FAM168A: variants seen among roughly 807,000 people sequenced by gnomAD.
The protein encoded by FAM168A is family with sequence similarity 168 member A.
FAM168A carries 3 observed loss-of-function variants against 28.5 expected under a neutral mutation model. The ratio of observed to expected loss-of-function variants is 0.11; its 90% CI spans 0.05 to 0.27. The LOEUF is 0.27. Among genes scored for constraint, FAM168A ranks in the 10% least tolerant of loss-of-function variants. The probability of loss-of-function intolerance (pLI) is 1.00; values close to 1 mark genes in which losing one functional copy is unlikely to be tolerated. For missense variants in FAM168A, 222 were observed against 311.5 expected, an observed-to-expected ratio of 0.71 and a Z score of 2.16; for synonymous variants, 122 against 124.2, an observed-to-expected ratio of 0.98 and a Z score of 0.12.
intron 1 of FAM168A, among the ~76,000 whole-genome samples, chr11:73,471,714 C>T (rs1042389358): frequency 6.6e-6 from 1 of 152,142 alleles, no homozygotes; most frequent in Non-Finnish European, 1.5e-5. Context: ...TTCCCAAATG[C>T]CATTTCTCTC....
chr11:73,564,099 G>A (rs956569608), intron 1 of FAM168A, among the ~76,000 whole-genome samples: 1 of 152,180 alleles, frequency 6.6e-6, no homozygotes, highest in South Asian at 2.1e-4. Flanking sequence ...CTTGGAGAAG[G>A]TCTTCTATAG....
chr11:73,437,738 C>T (rs1867117658), intron 2 of FAM168A, among the ~76,000 whole-genome samples: 1 of 150,792 alleles, frequency 6.6e-6, no homozygotes, highest in South Asian at 2.1e-4. Context: ...TGCAGTGAGT[C>T]GAGATCGCAC....
chr11:73,515,203 A>G (rs186421159), intron 1 of FAM168A, among the ~76,000 whole-genome samples: 7 of 152,294 alleles, frequency 4.6e-5, no homozygotes, highest in Non-Finnish European at 7.4e-5. Context: ...CAATTAACAC[A>G]TAAGTTCTTA....
intron 1 of FAM168A, among the ~76,000 whole-genome samples, chr11:73,553,087 T>C (rs906340592): frequency 3.3e-5 from 5 of 152,196 alleles, no homozygotes; most frequent in Non-Finnish European, 5.9e-5. Context: ...CAAGCCCATA[T>C]GATAAGAAAG....
intron 1 of FAM168A, among the ~76,000 whole-genome samples, chr11:73,552,188 C>T (rs1470922538): frequency 6.6e-6 from 1 of 152,200 alleles, no homozygotes; most frequent in Middle Eastern, 3.2e-3. Context: ...TCAATTCCAA[C>T]TCTACCTCTT....
At chr11:73,514,873 C>T (rs1180233063) in intron 1 of FAM168A, among the ~76,000 whole-genome samples, 1 of 151,652 alleles carries the variant, frequency 6.6e-6, no homozygotes, top group Non-Finnish European at 1.5e-5. Context: ...ATCCATCCAT[C>T]CATCCATCAC....
At chr11:73,557,152 T>G (rs1194868696) in intron 1 of FAM168A, among the ~76,000 whole-genome samples, 2 of 152,210 alleles carry the variant, frequency 1.3e-5, no homozygotes, top group Non-Finnish European at 2.9e-5. Context: ...AATGGAGTAT[T>G]ATTCAGACTT....
At chr11:73,527,617 A>T (rs1943464353) in intron 1 of FAM168A, among the ~76,000 whole-genome samples, 1 of 152,154 alleles carries the variant, frequency 6.6e-6, no homozygotes, top group Admixed American at 6.6e-5. Context: ...TATTGTCATT[A>T]TTATCATTAT....
chr11:73,416,221 T>G (rs547016099), intron 4 of FAM168A, among the ~76,000 whole-genome samples: 5 of 152,232 alleles, frequency 3.3e-5, no homozygotes, highest in African/African-American at 4.8e-5. Flanking sequence ...AATTTTAGAA[T>G]CAAATGGGAT....
intron 1 of FAM168A, among the ~76,000 whole-genome samples, chr11:73,469,357 T>A (rs754192044): frequency 1.1e-4 from 16 of 152,200 alleles, no homozygotes; most frequent in Non-Finnish European, 2.2e-4. Context: ...TTACACATCA[T>A]AAAAATCAAA....
chr11:73,437,985 C>T (rs948231511), intron 2 of FAM168A, among the ~76,000 whole-genome samples: 1 of 152,112 alleles, frequency 6.6e-6, no homozygotes, highest in African/African-American at 2.4e-5. Flanking sequence ...CTTCTTGCCT[C>T]GTTGATTCCT....
At chr11:73,457,619 T>C (rs1257502934) in intron 2 of FAM168A, among the ~76,000 whole-genome samples, 1 of 148,110 alleles carries the variant, frequency 6.8e-6, no homozygotes, top group Admixed American at 6.9e-5. Flanking sequence ...CTCATGCCTG[T>C]AATCTCAGCA....
At chr11:73,581,741 T>TG (rs1219731431) in intron 1 of FAM168A, among the ~76,000 whole-genome samples, 1 of 151,978 alleles carries the variant, frequency 6.6e-6, no homozygotes, top group African/African-American at 2.4e-5. Flanking sequence ...TTTTTTGAGA[T>TG]GGAGTCTCCC....
At chr11:73,508,082 T>C (rs751147719) in intron 1 of FAM168A, among the ~76,000 whole-genome samples, 7 of 152,228 alleles carry the variant, frequency 4.6e-5, no homozygotes, top group Non-Finnish European at 8.8e-5. Context: ...GCGTCATCTC[T>C]CTTAAGTGGT....
At position 73,510,654 on chromosome 11, in the gene FAM168A, G is replaced by A. The variant is rs72973610; in HGVS notation, c.-18-42162C>T. The A allele has an allele frequency of 2.1e-3, 636 of 306,642 alleles. 1 individual carries two copies. The highest frequency in any genetic ancestry group is 6.7e-3 in the Middle Eastern group (7 of 1,052). The allele number at this position is 306,642 out of a possible 1,614,324, so 19.0% of individuals were successfully genotyped here. On this transcript the variant is annotated intron_variant, in intron 1 of 7. Transcript: ENST00000356467. Reference sequence around the variant, plus strand: ...GCCCGTTCATGAGGTAAGCCAAAAGGGGGTACATCCTACCAGGATTCGGAA... The same window carrying A: ...GCCCGTTCATGAGGTAAGCCAAAAGAGGGTACATCCTACCAGGATTCGGAA...
chr11:73,569,861 C>A (rs7119049), intron 1 of FAM168A, among the ~76,000 whole-genome samples: 2 of 109,980 alleles, frequency 1.8e-5, no homozygotes, highest in Non-Finnish European at 3.7e-5. Context: ...AATAAATAAA[C>A]AAAATAGATG....
intron 1 of FAM168A, among the ~76,000 whole-genome samples, chr11:73,517,740 G>C (rs969293664): frequency 4.6e-5 from 7 of 152,124 alleles, no homozygotes; most frequent in African/African-American, 1.7e-4. Context: ...ATTACTTTTT[G>C]AAATACCCAA....
intron 1 of FAM168A, among the ~76,000 whole-genome samples, chr11:73,553,879 T>C (rs1201952615): frequency 6.6e-6 from 1 of 151,934 alleles, no homozygotes; most frequent in Non-Finnish European, 1.5e-5. Context: ...GTGCCAGCTA[T>C]TCAAGAAGCT....
At chr11:73,498,201 G>A (rs908204080) in intron 1 of FAM168A, among the ~76,000 whole-genome samples, 2 of 152,028 alleles carry the variant, frequency 1.3e-5, no homozygotes, top group Non-Finnish European at 2.9e-5. Context: ...ATCCTTCGCC[G>A]GCCACCAAGG....
Sources: gnomAD v4.1 joint callset for allele counts (sites outside exome capture counted in the v4.1 genomes callset) on GRCh38, gnomAD v4.1.1 for gene constraint, MANE v1.5 for transcripts, NCBI Gene and HGNC (gene_info 2026-07-23, HGNC 2026-07-21) for gene names.